The following NHSL1 variants were observed in gnomAD, a reference collection of about 807,000 sequenced individuals.
NHSL1 encodes NHS like 1, also known as NHS-like protein 1.
NHSL1 carries 48 observed loss-of-function variants against 95.0 expected under a neutral mutation model. The ratio of observed to expected loss-of-function variants is 0.51; its 90% CI spans 0.40 to 0.64. NHSL1 has a LOEUF of 0.64. NHSL1 is among the 30% of genes least tolerant of loss of function. The pLI, the probability that NHSL1 is intolerant of heterozygous loss-of-function variation, is 0.00. For missense variants in NHSL1, 1,971 were observed against 2,077.7 expected, an observed-to-expected ratio of 0.95 and a Z score of 1.00; for synonymous variants, 783 against 833.9, an observed-to-expected ratio of 0.94 and a Z score of 1.05.
At chr6:138,566,745 A>G (rs1562374779) in intron 1 of NHSL1, among the ~76,000 whole-genome samples, 1 of 152,038 alleles carries the variant, frequency 6.6e-6, no homozygotes, top group Non-Finnish European at 1.5e-5. Context: ...TGAACAAGGC[A>G]GTGAGACAAC....
chr6:138,613,709 G>A (rs550644567), intron 1 of NHSL1, among the ~76,000 whole-genome samples: 1 of 152,260 alleles, frequency 6.6e-6, no homozygotes, highest in African/African-American at 2.4e-5. Flanking sequence ...AAAGCACCCT[G>A]GAATTTGCAG....
chr6:138,472,761 AC>A (rs1015685786), intron 3 of NHSL1, among the ~76,000 whole-genome samples: 9 of 152,230 alleles, frequency 5.9e-5, no homozygotes, highest in Non-Finnish European at 1.0e-4. Flanking sequence ...AGGAAAAGGA[AC>A]CCAAATGTAA....
upstream of NHSL1, among the ~76,000 whole-genome samples, chr6:138,576,052 C>T (rs1203002931): frequency 6.6e-6 from 1 of 152,018 alleles, no homozygotes; most frequent in Admixed American, 6.6e-5. Context: ...AGCGCAGTGG[C>T]GCGATCTTGT....
At chr6:138,578,360 G>A (rs76104883) in intron 1 of NHSL1, among the ~76,000 whole-genome samples, 2,588 of 152,244 alleles carry the variant, frequency 0.017, 58 homozygotes, top group African/African-American at 0.059. Flanking sequence ...GGGGACAAAG[G>A]ATGTCGCTGG....
At chr6:138,545,127 A>C (rs1782739336) in intron 1 of NHSL1, among the ~76,000 whole-genome samples, 1 of 151,054 alleles carries the variant, frequency 6.6e-6, no homozygotes, top group African/African-American at 2.4e-5. Context: ...AGTCGCTGGG[A>C]TTACAGGCAC....
At chr6:138,547,892 G>A (rs774025006), upstream of NHSL1, among the ~76,000 whole-genome samples, 3 of 152,248 alleles carry the variant, frequency 2.0e-5, no homozygotes, top group East Asian at 1.9e-4. Flanking sequence ...TGTAATTTAC[G>A]AATTACAGAG....
chr6:138,678,147 T>A (rs1456459694), intron 1 of NHSL1, among the ~76,000 whole-genome samples: 2 of 151,702 alleles, frequency 1.3e-5, no homozygotes, highest in African/African-American at 4.9e-5. Flanking sequence ...TATGGTGTCA[T>A]ACTATTTAAA....
chr6:138,606,236 T>C lies in NHSL1; in HGVS notation c.96+86240A>G, dbSNP rs1784431974. On this transcript the variant is annotated intron_variant, in intron 1 of 3. Coordinates refer to the NHSL1 transcript ENST00000491526. ...AAGACCTGGCACCTTCCTCCTCTTC[T>C]TGCAACCAAAATACTTCATTCCCCA... Among the ~76,000 whole-genome samples the C allele has an allele frequency of 2.6e-5, 4 of 152,298 alleles. No individual in the cohort carries two copies. The South Asian group carries it at 6.2e-4, about 24-fold the overall frequency.
rs200770908 is a variant in NHSL1 at position 138,506,917 on chromosome 6, C to T, written c.17-10546G>A. ...GACTTATAAAGTTCCTGCTGCTGGGCATTTATTTTGACTAGAAACAACCCA... is the reference window on the plus strand; with the variant it reads ...GACTTATAAAGTTCCTGCTGCTGGGTATTTATTTTGACTAGAAACAACCCA... On this transcript the variant is annotated intron_variant, in intron 1 of 4. Coordinates refer to the NHSL1 transcript ENST00000342260. Among the ~76,000 whole-genome samples the T allele has an allele frequency of 3.3e-5, 5 of 152,116 alleles. No homozygotes were observed. In the East Asian group the frequency reaches 9.6e-4, roughly 29 times the overall value.
chr6:138,466,439 A>T (rs1425212201), intron 3 of NHSL1, among the ~76,000 whole-genome samples: 1 of 152,216 alleles, frequency 6.6e-6, no homozygotes, highest in Non-Finnish European at 1.5e-5. Context: ...TGTTTCTAAA[A>T]TGTTCTTCCA....
chr6:138,482,407 CTG>C (rs1779474225), intron 2 of NHSL1, among the ~76,000 whole-genome samples: 1 of 142,224 alleles, frequency 7.0e-6, no homozygotes, highest in African/African-American at 2.6e-5. Flanking sequence ...GATGGCACCA[CTG>C]CACTCCAGCC....
intron 1 of NHSL1, 138 bp downstream of exon 1, chr6:138,499,095 C>A: frequency 1.6e-6 from 1 of 618,448 alleles, no homozygotes; most frequent in Non-Finnish European, 2.9e-6. Context: ...ACTCTAATTT[C>A]TTCACACAAA....
intron 1 of NHSL1, among the ~76,000 whole-genome samples, chr6:138,610,539 T>TAA (rs1390403525): frequency 6.1e-5 from 7 of 114,628 alleles, no homozygotes; most frequent in African/African-American, 3.3e-4. Flanking sequence ...AAAAGTATAA[T>TAA]AATAAAAAAA....
rs181130572 is a variant in NHSL1, at chr6:138,686,300, T to C, written c.96+6176A>G. On this transcript the variant is annotated intron_variant, in intron 1 of 3. Coordinates refer to the NHSL1 transcript ENST00000491526. ...ATTTTGGGAGGCCAAAACGGGCAGA[T>C]GCTTGAGCCCAGGAGTTTGAAACCA... Among the ~76,000 whole-genome samples the C allele has an allele frequency of 1.9e-3, 291 of 152,290 alleles. 2 individuals are homozygous for C. The highest frequency in any genetic ancestry group is 6.6e-3 in the African/African-American group (276 of 41,566).
At chr6:138,606,772 A>C (rs762092001) in intron 1 of NHSL1, among the ~76,000 whole-genome samples, 3 of 141,280 alleles carry the variant, frequency 2.1e-5, no homozygotes, top group African/African-American at 7.9e-5. Context: ...GCGCAATCTC[A>C]GCTCACTGCA....
intron 1 of NHSL1, among the ~76,000 whole-genome samples, chr6:138,646,522 A>G (rs1025808855): frequency 2.6e-5 from 4 of 152,072 alleles, no homozygotes; most frequent in Admixed American, 1.3e-4. Flanking sequence ...AATTCTTATC[A>G]ATACTTCATG....
At chr6:138,584,597 A>G (rs1420472759) in intron 1 of NHSL1, among the ~76,000 whole-genome samples, 1 of 152,220 alleles carries the variant, frequency 6.6e-6, no homozygotes, top group African/African-American at 2.4e-5. Context: ...AAATGTAGAG[A>G]ACAAAAGGCC....
intron 1 of NHSL1, among the ~76,000 whole-genome samples, chr6:138,559,358 A>G (rs910964844): frequency 6.6e-6 from 1 of 152,248 alleles, no homozygotes; most frequent in African/African-American, 2.4e-5. Flanking sequence ...GCCCTGCAGC[A>G]GGCAGCAAGG....
chr6:138,614,956 T>C (rs1784559826), intron 1 of NHSL1, among the ~76,000 whole-genome samples: 1 of 149,558 alleles, frequency 6.7e-6, no homozygotes, highest in African/African-American at 2.5e-5. Context: ...GGGAAAATTG[T>C]CTTCCAAGAA....
Sources: allele counts gnomAD v4.1 joint callset (sites outside exome capture counted in the v4.1 genomes callset), GRCh38; gene constraint gnomAD v4.1.1; transcripts MANE v1.5; gene names NCBI Gene and HGNC (gene_info 2026-07-23, HGNC 2026-07-21).